The following NR3C2 variants were observed in gnomAD, a reference collection of about 807,000 sequenced individuals.
NR3C2 encodes the protein nuclear receptor subfamily 3 group C member 2, also known as mineralocorticoid receptor.
NR3C2 carries 15 observed loss-of-function variants against 86.4 expected under a neutral mutation model. That is an observed-to-expected ratio of 0.17 (90% confidence interval 0.12 to 0.27). The LOEUF is 0.27. Ranked by LOEUF, NR3C2 falls within the 10% of genes least tolerant of loss-of-function variation. The pLI is 1.00. For synonymous variants in NR3C2, 458 were observed against 450.5 expected (o/e 1.02, Z -0.21); for missense variants, 960 against 1,195.6 (o/e 0.80, Z 2.91).
At chr4:148,260,988 G>C (rs928039699) in intron 2 of NR3C2, among the ~76,000 whole-genome samples, 4 of 152,204 alleles carry the variant, frequency 2.6e-5, no homozygotes, top group African/African-American at 9.7e-5. Flanking sequence ...AGGCAAACAA[G>C]TTGATTTTTC....
intron 2 of NR3C2, among the ~76,000 whole-genome samples, chr4:148,392,227 A>G (rs1747622466): frequency 6.6e-6 from 1 of 152,240 alleles, no homozygotes; most frequent in South Asian, 2.1e-4. Flanking sequence ...GAAGAGATAG[A>G]CCATGAGTAG....
intron 3 of NR3C2, among the ~76,000 whole-genome samples, chr4:148,248,420 T>G (rs1436200518): frequency 6.6e-6 from 1 of 152,194 alleles, no homozygotes; most frequent in Non-Finnish European, 1.5e-5. Context: ...GGTTTTCCAA[T>G]TAAGTTGTGG....
rs578240003 is a variant in NR3C2 at position 148,125,661 on chromosome 4, G to A, written c.2511-5373C>T. 2.6e-5 allele frequency among the ~76,000 whole-genome samples: 4 copies of A among 152,052 alleles called. No homozygotes were observed. The South Asian group carries it at 8.3e-4, about 32-fold the overall frequency. On this transcript the variant is annotated intron_variant, in intron 6 of 8. Coordinates refer to ENST00000358102, the MANE Select transcript of NR3C2 (RefSeq NM_000901.5). The stretch of plus-strand genomic sequence containing the variant: ...CAGTTTAGTTCCATCATTTTGATTG[G>A]TAACTGCAAACTTCTTCAAGACAGG...
rs897808025 is a variant in NR3C2 at position 148,080,452 on chromosome 4, CA to C, written c.*891del. On this transcript the variant is annotated 3_prime_UTR_variant, in exon 9 of 9. Transcript: ENST00000358102. ...TATGCATGCAGGACATTGCACTTTA[CA>C]AAAAAAAATTACCTTGTTTAGACAA... 14 of 153,164 alleles carry C rather than the reference CA, an allele frequency of 9.1e-5. No homozygotes were observed. The highest frequency in any genetic ancestry group is 2.2e-4 in the African/African-American group (9 of 41,230). 9.5% of individuals were successfully genotyped at this position (153,164 alleles called of 1,614,324 possible).
chr4:148,091,875 T>C (rs528275916), intron 8 of NR3C2, among the ~76,000 whole-genome samples: 11 of 152,038 alleles, frequency 7.2e-5, no homozygotes, highest in Non-Finnish European at 1.6e-4. Context: ...AGGCTGTGCA[T>C]CTCTAAATAA....
intron 2 of NR3C2, among the ~76,000 whole-genome samples, chr4:148,391,472 T>A (rs1747553392): frequency 6.6e-6 from 1 of 152,230 alleles, no homozygotes; most frequent in African/African-American, 2.4e-5. Flanking sequence ...AAAGTAGATA[T>A]TTCTGCTCCC....
intron 5 of NR3C2, 99 bp from the exon 6 acceptor site, chr4:148,152,712 C>T: frequency 8.4e-7 from 1 of 1,197,580 alleles, no homozygotes; most frequent in Non-Finnish European, 1.2e-6. Context: ...ACCTTTCTTT[C>T]ACTTTTCTCT....
intron 2 of NR3C2, among the ~76,000 whole-genome samples, chr4:148,422,910 T>C (rs541651114): frequency 3.5e-4 from 53 of 152,182 alleles, no homozygotes; most frequent in Non-Finnish European, 6.5e-4. Flanking sequence ...TTAAAGTTTC[T>C]CCTTGTTCCT....
intron 3 of NR3C2, among the ~76,000 whole-genome samples, chr4:148,221,310 T>C (rs1401970461): frequency 6.6e-6 from 1 of 152,232 alleles, no homozygotes; most frequent in East Asian, 1.9e-4. Context: ...AGTAGCTTTA[T>C]AAAGTCACAT....
intron 2 of NR3C2, among the ~76,000 whole-genome samples, chr4:148,427,676 A>G (rs1749614760): frequency 6.6e-6 from 1 of 152,130 alleles, no homozygotes. Flanking sequence ...ATGTGGCATT[A>G]GACTGTAATC....
At chr4:148,098,539 CAA>C (rs753663151) in intron 8 of NR3C2, among the ~76,000 whole-genome samples, 6 of 152,142 alleles carry the variant, frequency 3.9e-5, no homozygotes, top group Admixed American at 2.0e-4. Context: ...AGAGCTGAAA[CAA>C]GAGAGCAGAG....
intron 2 of NR3C2, among the ~76,000 whole-genome samples, chr4:148,277,341 C>T (rs1459542394): frequency 2.6e-5 from 4 of 152,156 alleles, no homozygotes; most frequent in Non-Finnish European, 5.9e-5. Context: ...AATGCACCTT[C>T]GAATCCTCAT....
intron 3 of NR3C2, among the ~76,000 whole-genome samples, chr4:148,228,044 C>G (rs1034447541): frequency 1.3e-5 from 2 of 152,046 alleles, no homozygotes; most frequent in Non-Finnish European, 2.9e-5. Flanking sequence ...GTAGACAGAA[C>G]AAGGAAATGT....
intron 1 of NR3C2, among the ~76,000 whole-genome samples, chr4:148,438,309 C>A (rs922467788): frequency 6.6e-6 from 1 of 152,170 alleles, no homozygotes; most frequent in Non-Finnish European, 1.5e-5. Flanking sequence ...TTACCAAATG[C>A]CCATGGGGGG....
intron 2 of NR3C2, among the ~76,000 whole-genome samples, chr4:148,344,868 C>T (rs1442977196): frequency 6.6e-6 from 1 of 152,082 alleles, no homozygotes; most frequent in African/African-American, 2.4e-5. Context: ...TTCCTTTAAA[C>T]ATTATTCCAA....
chr4:148,319,869 T>C (rs1277834461), intron 2 of NR3C2, among the ~76,000 whole-genome samples: 1 of 141,088 alleles, frequency 7.1e-6, no homozygotes, highest in Non-Finnish European at 1.5e-5. Context: ...TACCCTTTAT[T>C]TCCTTCTCCT....
intron 2 of NR3C2, among the ~76,000 whole-genome samples, chr4:148,281,678 G>C (rs1375342882): frequency 6.6e-6 from 1 of 152,138 alleles, no homozygotes; most frequent in Non-Finnish European, 1.5e-5. Context: ...CACATTCTCT[G>C]AATTTTCATT....
At chr4:148,221,672 C>T (rs1312806129) in intron 3 of NR3C2, among the ~76,000 whole-genome samples, 1 of 152,064 alleles carries the variant, frequency 6.6e-6, no homozygotes, top group Admixed American at 6.5e-5. Context: ...GCAGGTGGAT[C>T]ACTTGAGGCC....
chr4:148,400,935 T>C (rs1317046065), intron 2 of NR3C2, among the ~76,000 whole-genome samples: 1 of 152,204 alleles, frequency 6.6e-6, no homozygotes, highest in Non-Finnish European at 1.5e-5. Context: ...CCTAAATACA[T>C]AGAATTATAT....
Sources: allele counts gnomAD v4.1 joint callset (sites outside exome capture counted in the v4.1 genomes callset), GRCh38; gene constraint gnomAD v4.1.1; transcripts MANE v1.5; gene names NCBI Gene and HGNC (gene_info 2026-07-23, HGNC 2026-07-21).